SMYD3: variants seen among roughly 807,000 people sequenced by gnomAD.
The protein encoded by SMYD3 is SET and MYND domain containing 3, also known as histone-lysine N-methyltransferase SMYD3.
A neutral mutation model predicts 57.7 loss-of-function variants in SMYD3; 36 were observed. The ratio of observed to expected loss-of-function variants is 0.62; its 90% CI spans 0.48 to 0.82. The LOEUF is 0.82. SMYD3 is among the 40% of genes least tolerant of loss of function. The pLI is 0.00. For synonymous variants in SMYD3, 211 were observed against 195.0 expected (o/e 1.08, Z -0.68); for missense variants, 515 against 538.8 (o/e 0.96, Z 0.44).
intron 1 of SMYD3, among the ~76,000 whole-genome samples, chr1:246,417,013 C>G (rs2067073491): frequency 6.6e-6 from 1 of 152,154 alleles, no homozygotes; most frequent in Non-Finnish European, 1.5e-5. Context: ...CTTCAGAGGG[C>G]AGCTTTGAGA....
chr1:246,327,210 G>C lies in SMYD3; in HGVS notation c.522C>G (p.Ala174=). 6.2e-7 allele frequency: 1 copy of C among 1,614,038 alleles called. No homozygotes were observed. Among genetic ancestry groups the C allele is most frequent in the Non-Finnish European group, 8.5e-7 (1 of 1,180,002 alleles). ...QLPPAFDLFE[A]FAKVICNSFT... ...CAAACTTAACACTTACTTTTGCAAA[G>C]GCTTCAAAAAGGTCAAAGGCAGGTG... The change falls in exon 5 of 12, where the codon GCC becomes GCG. Residue 174 remains alanine (A), a synonymous_variant. Coordinates refer to ENST00000490107, the MANE Select transcript of SMYD3 (RefSeq NM_001167740.2).
At chr1:246,094,240 A>C (rs575010258) in intron 5 of SMYD3, among the ~76,000 whole-genome samples, 2 of 152,280 alleles carry the variant, frequency 1.3e-5, no homozygotes, top group East Asian at 3.9e-4. Flanking sequence ...CACTGAAACT[A>C]ACAAAGACAG....
chr1:246,096,970 C>T, intron 5 of SMYD3, among the ~76,000 whole-genome samples: 1 of 152,200 alleles, frequency 6.6e-6, no homozygotes, highest in Non-Finnish European at 1.5e-5. Flanking sequence ...TTTTCTCCTA[C>T]ATAATCCAGT....
At chr1:246,390,723 C>T (rs1009815881) in intron 1 of SMYD3, among the ~76,000 whole-genome samples, 1 of 152,088 alleles carries the variant, frequency 6.6e-6, no homozygotes, top group South Asian at 2.1e-4. Context: ...TTTACATTCC[C>T]TATTAAGTCA....
At chr1:245,853,277 G>C (rs944420555) in intron 10 of SMYD3, among the ~76,000 whole-genome samples, 1 of 152,200 alleles carries the variant, frequency 6.6e-6, no homozygotes, top group Non-Finnish European at 1.5e-5. Flanking sequence ...AACAGCCAAG[G>C]ACCCAGCCTG....
intron 1 of SMYD3, among the ~76,000 whole-genome samples, chr1:246,438,992 GA>G (rs2067423504): frequency 6.6e-6 from 1 of 151,810 alleles, no homozygotes; most frequent in Non-Finnish European, 1.5e-5. Flanking sequence ...CAGGCCATGG[GA>G]GTGGTACCGG....
chr1:245,927,936 C>G lies in SMYD3; in HGVS notation c.697G>C (p.Glu233Gln), dbSNP rs2056485356. 1.2e-6 allele frequency: 2 copies of G among 1,610,636 alleles called. No homozygotes were observed. The highest frequency in any genetic ancestry group is 1.3e-5 in the African/African-American group (1 of 74,814). The change falls in exon 7 of 12, where the codon GAG becomes CAG. Residue 233 changes from glutamate (E) to glutamine (Q), a missense_variant. Transcript: ENST00000490107. ...LRAVRDIEVG[E>Q]ELTICYLDML... The stretch of plus-strand genomic sequence containing the variant: ...GGAAGCATGAGTTTCCTTACCTCCT[C>G]TCCCACCTCGATGTCTCGGACTGCT...
At chr1:246,101,064 GTTTTTTGTTTTTTTTTTTTTTTTT>G (rs1299571836) in intron 5 of SMYD3, among the ~76,000 whole-genome samples, 1 of 78,564 alleles carries the variant, frequency 1.3e-5, no homozygotes, top group Non-Finnish European at 3.1e-5. Flanking sequence ...ATTTTTAGGG[GTTTTTTGTTTTTTTTTTTTTTTTT>G]TTTTTTTTTT....
intron 5 of SMYD3, chr1:246,321,744 G>C (rs1484059395): frequency 6.6e-6 from 1 of 152,086 alleles, no homozygotes; most frequent in Non-Finnish European, 1.5e-5. Context: ...CACAGCATTT[G>C]TCATGCCATG....
At chr1:245,817,124 C>A (rs1021359736) in intron 10 of SMYD3, among the ~76,000 whole-genome samples, 46 of 151,154 alleles carry the variant, frequency 3.0e-4, no homozygotes, top group Non-Finnish European at 5.5e-4. Context: ...ACAGCAGTAA[C>A]CTCTGCAGAC....
At chr1:246,188,213 G>A (rs1220553312) in intron 5 of SMYD3, among the ~76,000 whole-genome samples, 2 of 152,206 alleles carry the variant, frequency 1.3e-5, no homozygotes, top group East Asian at 3.9e-4. Flanking sequence ...AAACCATGAA[G>A]CAAACAGACT....
chr1:246,311,782 C>T (rs1558394365), intron 5 of SMYD3, among the ~76,000 whole-genome samples: 1 of 152,230 alleles, frequency 6.6e-6, no homozygotes, highest in Non-Finnish European at 1.5e-5. Context: ...AATACCCAGC[C>T]TTTCAAAAAT....
chr1:246,504,762 T>TA (rs1385916868), intron 1 of SMYD3, among the ~76,000 whole-genome samples: 1 of 152,206 alleles, frequency 6.6e-6, no homozygotes, highest in African/African-American at 2.4e-5. Flanking sequence ...TACTATGTGT[T>TA]AGACACTGGG....
At chr1:246,010,210 C>G (rs1184816377) in intron 5 of SMYD3, among the ~76,000 whole-genome samples, 1 of 151,890 alleles carries the variant, frequency 6.6e-6, no homozygotes, top group African/African-American at 2.4e-5. Context: ...TTCTAGTTCT[C>G]TGTTGAGAAA....
intron 5 of SMYD3, among the ~76,000 whole-genome samples, chr1:245,934,374 A>T (rs1043990043): frequency 3.3e-5 from 5 of 151,042 alleles, no homozygotes; most frequent in African/African-American, 4.9e-5. Context: ...AAAGCACAAT[A>T]AGAATTTTAA....
At chr1:245,814,962 A>C (rs1169883071) in intron 10 of SMYD3, among the ~76,000 whole-genome samples, 1 of 152,136 alleles carries the variant, frequency 6.6e-6, no homozygotes, top group Admixed American at 6.5e-5. Flanking sequence ...AAACAAAGAC[A>C]GCTGTCCATT....
chr1:246,183,363 C>T (rs1258187259), intron 5 of SMYD3, among the ~76,000 whole-genome samples: 1 of 151,700 alleles, frequency 6.6e-6, no homozygotes, highest in Admixed American at 6.6e-5. Context: ...TTACTGGATG[C>T]CATTTAATTG....
chr1:246,368,451 G>A (rs2066142962), intron 1 of SMYD3, among the ~76,000 whole-genome samples: 2 of 152,144 alleles, frequency 1.3e-5, no homozygotes, highest in South Asian at 2.1e-4. Flanking sequence ...GGGACCCACA[G>A]AATCCACTTT....
At position 246,248,646 on chromosome 1, in the gene SMYD3, T is replaced by TTTTTTG. The variant is rs1327253429; in HGVS notation, c.531+78554_531+78555insCAAAAA. Among the ~76,000 whole-genome samples the TTTTTTG allele has an allele frequency of 3.5e-4, 47 of 133,178 alleles. 4 individuals carry two copies. The East Asian group carries it at 0.011, about 31-fold the overall frequency. The allele number at this position is 133,178 out of a possible 152,430, so 87.4% of individuals were successfully genotyped here. A position where few individuals can be genotyped will look rare whatever the true frequency, so the allele number is the denominator to read the frequency against. On this transcript the variant is annotated intron_variant, in intron 5 of 11. Transcript: ENST00000490107. Reference sequence around the variant, plus strand: ...AGCTCTCTGACTTTCCTTTTTTTTTTTTTTTTTTTTTTTGAGATGGAGTCT... The same window carrying TTTTTTG: ...AGCTCTCTGACTTTCCTTTTTTTTTTTTTTTGTTTTTTTTTTTTTGAGATGGAGTCT...
Sources: gnomAD v4.1 joint callset for allele counts (sites outside exome capture counted in the v4.1 genomes callset) on GRCh38, gnomAD v4.1.1 for gene constraint, MANE v1.5 for transcripts, NCBI Gene and HGNC (gene_info 2026-07-23, HGNC 2026-07-21) for gene names.